PLIN1: variants seen among roughly 807,000 people sequenced by gnomAD.
The protein encoded by PLIN1 is perilipin-1.
Under a neutral mutation model 45.8 loss-of-function variants are expected in PLIN1, and 37 were observed. That is an observed-to-expected ratio of 0.81 (90% confidence interval 0.62 to 1.06). The LOEUF is 1.06. PLIN1 is among the 50% of genes least tolerant of loss of function. The pLI, the probability that PLIN1 is intolerant of heterozygous loss-of-function variation, is 0.00. For missense variants in PLIN1, 776 were observed against 716.5 expected (o/e 1.08, Z -0.95); for synonymous variants, 340 against 309.2 (o/e 1.10, Z -1.05).
At chr15:89,675,608 A>G (rs1964504682) in intron 2 of PLIN1, among the ~76,000 whole-genome samples, 2 of 152,114 alleles carry the variant, frequency 1.3e-5, no homozygotes, top group African/African-American at 2.4e-5. Flanking sequence ...CTCTATATCT[A>G]AAAAATAAAT....
In PLIN1 at chr15:89,667,740, C is replaced by T. The variant is rs747053862; in HGVS notation, c.825G>A (p.Arg275=). The stretch of plus-strand genomic sequence containing the variant: ...GCCAGGGTACCCGCACTTCGCTCCT[C>T]CGCCGGGACACCGCCTGCATGGCCA... ...ASVAMQAVSR[R]RSEVRVPWLH... Residue 275 remains arginine, a synonymous_variant, in exon 7 of 9, where the codon CGG becomes CGA. Coordinates refer to ENST00000300055, the MANE Select transcript of PLIN1 (RefSeq NM_002666.5). The T allele has an allele frequency of 1.9e-6, 3 of 1,567,868 alleles. No homozygotes were observed. Among genetic ancestry groups the T allele is most frequent in the Non-Finnish European group, 1.7e-6 (2 of 1,156,356 alleles).
intron 8 of PLIN1, among the ~76,000 whole-genome samples, chr15:89,666,720 A>G (rs1330891305): frequency 6.6e-6 from 1 of 152,088 alleles, no homozygotes; most frequent in African/African-American, 2.4e-5. Flanking sequence ...CCGTGGGGAG[A>G]GGCCTCAGGC....
Position 89,665,622 on chromosome 15 carries a change from C to T in PLIN1, c.1530G>A (p.Leu510=). 1 of 1,520,808 alleles carries T rather than the reference C, an allele frequency of 6.6e-7. No individual in the cohort carries two copies. The highest frequency in any genetic ancestry group is 8.8e-7 in the Non-Finnish European group (1 of 1,136,378). 94.2% of individuals were successfully genotyped at this position (1,520,808 alleles called of 1,614,324 possible). The change falls in exon 9 of 9, where the codon CTG becomes CTA. Residue 510 remains leucine (L), a synonymous_variant. Transcript: ENST00000300055. The part of the protein sequence containing the change: ...FFRPSVMEPI[L]GRTHYSQLRK... ...GCAGCTGGCTGTAATGCGTGCGGCC[C>T]AGGATGGGCTCCATGACGCTGGGCC...
intron 6 of PLIN1, among the ~76,000 whole-genome samples, chr15:89,668,325 T>G (rs144362591): frequency 2.9e-4 from 44 of 152,380 alleles, no homozygotes; most frequent in African/African-American, 1.0e-3. Flanking sequence ...ATTCTACCGT[T>G]GATGGACATT....
Position 89,670,257 on chromosome 15 carries a change from G to C in PLIN1, c.334-13C>G, listed in dbSNP as rs750834896. 6.2e-7 allele frequency: 1 copy of C among 1,607,910 alleles called. No individual in the cohort carries two copies. Among genetic ancestry groups the C allele is most frequent in the Non-Finnish European group, 8.5e-7 (1 of 1,175,842 alleles). ...GCTCAGAAGCAATCTGGGGGAAGTT[G>C]GTGGGGGTGTTAGGCATGTGGTCTT... On this transcript the variant is annotated splice_polypyrimidine_tract_variant and intron_variant, in intron 4 of 8. Transcript: ENST00000300055.
rs949722253 is a variant in PLIN1 at position 89,679,359 on chromosome 15, C to G, written c.-123G>C. 1 of 152,792 alleles carries G rather than the reference C, an allele frequency of 6.5e-6. No individual in the cohort carries two copies. The highest frequency in any genetic ancestry group is 1.5e-5 in the Non-Finnish European group (1 of 68,148). The allele number at this position is 152,792 out of a possible 1,614,324, so 9.5% of individuals were successfully genotyped here. A position where few individuals can be genotyped will look rare whatever the true frequency, so the allele number is the denominator to read the frequency against. On this transcript the variant is annotated 5_prime_UTR_variant, in exon 1 of 9. Transcript: ENST00000300055. ...CCACCTCAGTCTCACAGAGCCCAGG[C>G]TGCAGAGTGTCTCCTCAGGCAGAAA... is the stretch of plus-strand genomic sequence containing the variant.
rs147302182 is a variant in PLIN1, at chr15:89,670,181, C to T, written c.397G>A (p.Val133Ile). 46 of 1,613,918 alleles carry T rather than the reference C, an allele frequency of 2.9e-5. No homozygotes were observed. The highest frequency in any genetic ancestry group is 1.7e-4 in the African/African-American group (13 of 74,950). ...TTGTCTGAAGTGCTCGCGATGGGAA[C>T]GCTGATGCTGTTTCTGGCACTGCGG... ...RLRSARNSISVPIASTSDKVL... is the reference protein window; with the variant it reads ...RLRSARNSISIPIASTSDKVL... The change falls in exon 5 of 9, where the codon GTT (valine) becomes ATT (isoleucine). Residue 133 changes from valine to isoleucine, a missense_variant. Transcript: ENST00000300055.
rs1261046764 is a variant in PLIN1, at chr15:89,667,799, G to A, written c.772-6C>T. 3 of 1,552,950 alleles carry A rather than the reference G, an allele frequency of 1.9e-6. No homozygotes were observed. The highest frequency in any genetic ancestry group is 2.6e-6 in the Non-Finnish European group (3 of 1,149,180). On this transcript the variant is annotated splice_polypyrimidine_tract_variant and splice_region_variant and intron_variant, in intron 6 of 8. Coordinates refer to ENST00000300055, the MANE Select transcript of PLIN1 (RefSeq NM_002666.5). ...CCCCACTGGGCCAGGCTGCTCTGAG[G>A]GAGGATGGCAGCAGATAGCTGGCTC...
rs1356350421 is a variant in PLIN1, at chr15:89,677,514, G to A, written c.-14-11C>T. ...TCCTCGCTCCTCAAGCTGCAAAACA[G>A]AGTCCCAGGTCCCATCAGAAGCCCT... On this transcript the variant is annotated splice_polypyrimidine_tract_variant and intron_variant, in intron 1 of 8. Coordinates refer to ENST00000300055, the MANE Select transcript of PLIN1 (RefSeq NM_002666.5). 2 of 1,613,120 alleles carry A rather than the reference G, an allele frequency of 1.2e-6. No individual in the cohort carries two copies. The highest frequency in any genetic ancestry group is 1.7e-5 in the Admixed American group (1 of 59,998).
chr15:89,677,046 G>T (rs1360040272), intron 2 of PLIN1: 2 of 281,570 alleles, frequency 7.1e-6, no homozygotes, highest in Non-Finnish European at 1.4e-5. Context: ...AACTCCGACA[G>T]GTGACATTTG....
At chr15:89,678,528 A>T (rs1279269451) in intron 1 of PLIN1, among the ~76,000 whole-genome samples, 1 of 151,818 alleles carries the variant, frequency 6.6e-6, no homozygotes, top group Non-Finnish European at 1.5e-5. Context: ...AAAGGAGTTC[A>T]GGTTAGGAAA....
rs1446268957 is a variant in PLIN1 at position 89,665,840 on chromosome 15, C to A, written c.1312G>T (p.Ala438Ser). Residue 438 changes from alanine to serine, a missense_variant, in exon 9 of 9, where the codon GCG becomes TCG. Physicochemically the swap from Ala to Ser is moderately conservative, Grantham distance 99. Transcript: ENST00000300055. The stretch of plus-strand genomic sequence containing the variant: ...GCGGGCTCCGGGCCGGCGGACGGCG[C>A]CCCAGACGCTCTGCGCTCCGCCTCC... ...RREAERRASG[A>S]PSAGPEPAPR... is the part of the protein sequence containing the mutation. 3 of 1,457,560 alleles carry A rather than the reference C, an allele frequency of 2.1e-6. No individual in the cohort carries two copies. Among genetic ancestry groups the A allele is most frequent in the Non-Finnish European group, 2.7e-6 (3 of 1,106,416 alleles). The allele number at this position is 1,457,560 out of a possible 1,614,324, so 90.3% of individuals were successfully genotyped here.
intron 2 of PLIN1, chr15:89,676,477 G>A (rs1027842605): frequency 6.6e-6 from 1 of 152,234 alleles, no homozygotes; most frequent in Admixed American, 6.5e-5. Flanking sequence ...TTGATCTCCT[G>A]ACCTTGTGAA....
chr15:89,665,810 G>T lies in PLIN1; in HGVS notation c.1342C>A (p.Arg448Ser). The change falls in exon 9 of 9, where the codon CGT becomes AGT. Residue 448 changes from arginine to serine, a missense_variant. Arg to Ser is a moderately radical substitution (Grantham distance 110). Coordinates refer to ENST00000300055, the MANE Select transcript of PLIN1 (RefSeq NM_002666.5). ...APSAGPEPAPRLAQPRRSLRS... is the reference protein window; with the variant it reads ...APSAGPEPAPSLAQPRRSLRS... ...AGGCTGCGGCGGGGCTGTGCGAGAC[G>T]CGGGGCGGGCTCCGGGCCGGCGGAC... 1 of 1,362,528 alleles carries T rather than the reference G, an allele frequency of 7.3e-7. No individual in the cohort carries two copies. Among genetic ancestry groups the T allele is most frequent in the Non-Finnish European group, 9.5e-7 (1 of 1,056,738 alleles). The allele number at this position is 1,362,528 out of a possible 1,614,324, so 84.4% of individuals were successfully genotyped here.
intron 5 of PLIN1, 22 bp downstream of exon 5, chr15:89,669,958 C>G (rs376048669): frequency 2.5e-6 from 4 of 1,602,772 alleles, no homozygotes; most frequent in Non-Finnish European, 3.4e-6. Context: ...ACTCCCAGGC[C>G]GAGCCTCCGA....
rs780175706 is a variant in PLIN1, at chr15:89,669,588, G to T, written c.683C>A (p.Thr228Asn). The change falls in exon 6 of 9, where the codon ACC becomes AAC. Residue 228 changes from threonine (T) to asparagine (N), a missense_variant. Thr to Asn is a moderately conservative substitution (Grantham distance 65). Transcript: ENST00000300055. ...GGTCTGCACGGTGTATCGAGAGAGG[G>T]TGTTGGTCAGAGCCCCAACCCTGCT... ...LLSRVGALTN[T>N]LSRYTVQTMA... 6.2e-7 allele frequency: 1 copy of T among 1,614,008 alleles called. No individual in the cohort carries two copies. Among genetic ancestry groups the T allele is most frequent in the Non-Finnish European group, 8.5e-7 (1 of 1,179,920 alleles).
rs1332634411 is a variant in PLIN1, at chr15:89,670,174, A to T, written c.404T>A (p.Ile135Asn). Residue 135 changes from isoleucine (I) to asparagine (N), a missense_variant, in exon 5 of 9, where the codon ATC (isoleucine) becomes AAC (asparagine). Ile to Asn is a moderately radical substitution (Grantham distance 149, BLOSUM62 -3). Coordinates refer to ENST00000300055, the MANE Select transcript of PLIN1 (RefSeq NM_002666.5). ...CAGGACCTTGTCTGAAGTGCTCGCG[A>T]TGGGAACGCTGATGCTGTTTCTGGC... ...RSARNSISVP[I>N]ASTSDKVLGA... 6.2e-7 allele frequency: 1 copy of T among 1,613,932 alleles called. No individual in the cohort carries two copies. The highest frequency in any genetic ancestry group is 8.5e-7 in the Non-Finnish European group (1 of 1,180,008).
chr15:89,668,302 C>T (rs1222387436), intron 6 of PLIN1, among the ~76,000 whole-genome samples: 1 of 152,144 alleles, frequency 6.6e-6, no homozygotes, highest in East Asian at 1.9e-4. Context: ...TACGAATTTC[C>T]TGTAATTTAC....
intron 1 of PLIN1, 111 bp from the exon 2 acceptor site, chr15:89,677,614 T>C: frequency 1.1e-6 from 1 of 871,560 alleles, no homozygotes; most frequent in Non-Finnish European, 2.0e-6. Context: ...TGGGGGCCCA[T>C]TTGCCCTGAA....
Sources: allele counts gnomAD v4.1 joint callset (sites outside exome capture counted in the v4.1 genomes callset), GRCh38; gene constraint gnomAD v4.1.1; transcripts MANE v1.5; gene names NCBI Gene and HGNC (gene_info 2026-07-23, HGNC 2026-07-21).